Variants in WNT2B observed in about 807,000 individuals in gnomAD.
The protein encoded by WNT2B is Wnt family member 2B, also known as protein Wnt-2b.
Under a neutral mutation model 40.5 loss-of-function variants are expected in WNT2B, and 19 were observed. The observed-to-expected ratio is 0.47, with a 90% CI of 0.33 to 0.69. The LOEUF (loss-of-function observed/expected upper bound fraction) is 0.69, where lower values mean the gene tolerates loss of function less well. Ranked by LOEUF, WNT2B falls within the 30% of genes least tolerant of loss-of-function variation. The probability of loss-of-function intolerance (pLI) is 0.02; values close to 1 mark genes in which losing one functional copy is unlikely to be tolerated. For synonymous variants in WNT2B, 220 were observed against 211.9 expected (o/e 1.04, Z -0.33); for missense variants, 467 against 556.4 (o/e 0.84, Z 1.62).
upstream of WNT2B, chr1:112,508,731 C>T: frequency 1.0e-6 from 1 of 986,030 alleles, no homozygotes; most frequent in Non-Finnish European, 1.2e-6. The surrounding 1 kb of genome is among the most constrained non-coding windows in gnomAD (Gnocchi z 4.2). Flanking sequence ...AGGGACTGGG[C>T]GCTTGGGGCG....
intron 1 of WNT2B, among the ~76,000 whole-genome samples, chr1:112,472,346 AC>A (rs1650905646): frequency 6.6e-6 from 1 of 152,220 alleles, no homozygotes. Context: ...TGAGGAAACT[AC>A]CCAAGACCAA....
intron 1 of WNT2B, among the ~76,000 whole-genome samples, chr1:112,478,633 A>G (rs1358778611): frequency 2.6e-5 from 4 of 152,172 alleles, no homozygotes; most frequent in African/African-American, 4.8e-5. Flanking sequence ...TTAAAAATGA[A>G]GGAGAGGCTG....
chr1:112,487,823 T>C (rs1469019357), intron 1 of WNT2B, among the ~76,000 whole-genome samples: 1 of 149,830 alleles, frequency 6.7e-6, no homozygotes, highest in African/African-American at 2.5e-5. Flanking sequence ...AACCCAGCTA[T>C]GTCAGGAGGT....
rs1336250323 is a variant in WNT2B, at chr1:112,527,047, A to C, written c.*6538A>C. On this transcript the variant is annotated 3_prime_UTR_variant, in exon 5 of 5. Coordinates refer to ENST00000369684, the MANE Select transcript of WNT2B (RefSeq NM_024494.3). ...GCTCTCAACCCCTCTTTGTTTTCCCATCCAAAATCTGGACCTCTGTTTAGG... is the reference window on the plus strand; with the variant it reads ...GCTCTCAACCCCTCTTTGTTTTCCCCTCCAAAATCTGGACCTCTGTTTAGG... 2 of 152,210 alleles carry C rather than the reference A, an allele frequency of 1.3e-5. No individual in the cohort carries two copies. The highest frequency in any genetic ancestry group is 2.9e-5 in the Non-Finnish European group (2 of 68,050). The allele number at this position is 152,210 out of a possible 1,614,324, so 9.4% of individuals were successfully genotyped here. A position where few individuals can be genotyped will look rare whatever the true frequency, so the allele number is the denominator to read the frequency against.
chr1:112,496,223 T>A (rs2101069130), intron 1 of WNT2B, among the ~76,000 whole-genome samples: 1 of 152,292 alleles, frequency 6.6e-6, no homozygotes, highest in South Asian at 2.1e-4. Context: ...CAAGGAATCA[T>A]CCTGCTTTAG....
Position 112,520,858 on chromosome 1 carries a change from T to G in WNT2B, c.*349T>G, listed in dbSNP as rs1254643528. 7.3e-6 allele frequency: 2 copies of G among 273,244 alleles called. No individual in the cohort carries two copies. Among genetic ancestry groups the G allele is most frequent in the African/African-American group, 4.3e-5 (2 of 45,986 alleles). The allele number at this position is 273,244 out of a possible 1,614,324, so 16.9% of individuals were successfully genotyped here. ...GCACCAGCTTCCCGATACTTCTTGGTGTGCAAGAGGAAGGGTACCTGTAGA... is the reference window on the plus strand; with the variant it reads ...GCACCAGCTTCCCGATACTTCTTGGGGTGCAAGAGGAAGGGTACCTGTAGA... On this transcript the variant is annotated 3_prime_UTR_variant, in exon 5 of 5. Transcript: ENST00000369684.
chr1:112,496,700 A>T (rs1214802668), intron 1 of WNT2B, among the ~76,000 whole-genome samples: 1 of 151,806 alleles, frequency 6.6e-6, no homozygotes, highest in Non-Finnish European at 1.5e-5. Context: ...TCCCGGGTTC[A>T]AGTGATTCTC....
chr1:112,482,430 G>T (rs1239983729), intron 1 of WNT2B, among the ~76,000 whole-genome samples: 6 of 152,154 alleles, frequency 3.9e-5, no homozygotes, highest in Non-Finnish European at 5.9e-5. Flanking sequence ...TAAACTTCTG[G>T]ACTCAAGCAA....
rs1366809958 is a variant in WNT2B at position 112,520,696 on chromosome 1, G to C, written c.*187G>C. The C allele has an allele frequency of 1.6e-6, 1 of 634,682 alleles. No individual in the cohort carries two copies. Among genetic ancestry groups the C allele is most frequent in the African/African-American group, 1.8e-5 (1 of 54,458 alleles). The allele number at this position is 634,682 out of a possible 1,614,324, so 39.3% of individuals were successfully genotyped here. A position where few individuals can be genotyped will look rare whatever the true frequency, so the allele number is the denominator to read the frequency against. ...CCTTAGCCCTGGGAAGGAGTTGTCAGGGGATATAAGAAACTGAGCAAGCTC... is the reference window on the plus strand; with the variant it reads ...CCTTAGCCCTGGGAAGGAGTTGTCACGGGATATAAGAAACTGAGCAAGCTC... On this transcript the variant is annotated 3_prime_UTR_variant, in exon 5 of 5. Transcript: ENST00000369684.
At chr1:112,481,334 A>G (rs960610577) in intron 1 of WNT2B, among the ~76,000 whole-genome samples, 18 of 152,206 alleles carry the variant, frequency 1.2e-4, no homozygotes, top group African/African-American at 4.3e-4. Context: ...CAATAGATGC[A>G]GAAAAAACGT....
In WNT2B at chr1:112,509,457, C is replaced by T. The variant is rs2101082085; in HGVS notation, c.182+13C>T. ...ACACGTCCTGGTGGTAAGTGTGGCT[C>T]TCAGGCTGGGCGGGTGAGGCGCTTG... On this transcript the variant is annotated intron_variant, in intron 1 of 4. Transcript: ENST00000369684. The surrounding 1 kb of genome is among the most constrained non-coding windows in gnomAD (Gnocchi z 4.2). The T allele has an allele frequency of 1.3e-6, 2 of 1,566,258 alleles. No homozygotes were observed. Among genetic ancestry groups the T allele is most frequent in the Non-Finnish European group, 1.7e-6 (2 of 1,167,608 alleles).
intron 1 of WNT2B, chr1:112,490,963 A>G (rs1466823443): frequency 6.4e-7 from 1 of 1,557,406 alleles, no homozygotes; most frequent in Admixed American, 1.7e-5. Flanking sequence ...CTGAAAATCC[A>G]TAGCATTTAT....
intron 1 of WNT2B, among the ~76,000 whole-genome samples, chr1:112,471,366 CTTG>C (rs1192676493): frequency 2.0e-5 from 3 of 152,216 alleles, no homozygotes; most frequent in Non-Finnish European, 4.4e-5. Flanking sequence ...CACCGCCAAC[CTTG>C]GCTGAGTTGA....
At chr1:112,504,475 G>A (rs1013821083), upstream of WNT2B, among the ~76,000 whole-genome samples, 40 of 152,046 alleles carry the variant, frequency 2.6e-4, no homozygotes, top group African/African-American at 9.2e-4. Context: ...TTTGAGACAC[G>A]TTCCACGCCT....
rs577722555 is a variant in WNT2B, at chr1:112,522,377, C to T, written c.*1868C>T. On this transcript the variant is annotated 3_prime_UTR_variant, in exon 5 of 5. Coordinates refer to ENST00000369684, the MANE Select transcript of WNT2B (RefSeq NM_024494.3). ...TGCACCAAACTCCAGCCCGCAGATC[C>T]TCTTCACCAAAGCCCCTGGCTGGTC... 5.9e-5 allele frequency: 9 copies of T among 152,414 alleles called. No homozygotes were observed. The highest frequency in any genetic ancestry group is 2.2e-4 in the African/African-American group (9 of 41,588). 9.4% of individuals were successfully genotyped at this position (152,414 alleles called of 1,614,324 possible). A position where few individuals can be genotyped will look rare whatever the true frequency, so the allele number is the denominator to read the frequency against.
chr1:112,470,753 TG>T (rs1479932332), intron 1 of WNT2B, among the ~76,000 whole-genome samples: 1 of 149,540 alleles, frequency 6.7e-6, no homozygotes, highest in Non-Finnish European at 1.5e-5. Flanking sequence ...CTTGGGCTCC[TG>T]GTGGCAGCAA....
chr1:112,477,233 C>T (rs1651079660), intron 1 of WNT2B, among the ~76,000 whole-genome samples: 1 of 152,204 alleles, frequency 6.6e-6, no homozygotes, highest in South Asian at 2.1e-4. Flanking sequence ...TGAGGGCCTC[C>T]AGAGCCATTG....
Position 112,494,309 on chromosome 1 carries a change from C to CA in WNT2B, c.-94-20554dup, listed in dbSNP as rs60459479. ...TGGGCAACAGAGAGACGATCCGTTTCAAAAAAAAAAATTATATCTACCTTC... is the reference window on the plus strand; with the variant it reads ...TGGGCAACAGAGAGACGATCCGTTTCAAAAAAAAAAAATTATATCTACCTTC... On this transcript the variant is annotated intron_variant, in intron 1 of 4. Transcript: ENST00000256640. Among the ~76,000 whole-genome samples, 309 of 144,074 alleles carry CA rather than the reference C, an allele frequency of 2.1e-3. 15 individuals carry two copies. The highest frequency in any genetic ancestry group is 6.9e-3 in the African/African-American group (268 of 38,588). The allele number at this position is 144,074 out of a possible 152,430, so 94.5% of individuals were successfully genotyped here.
At chr1:112,511,368 G>C (rs1652342866) in intron 1 of WNT2B, among the ~76,000 whole-genome samples, 1 of 152,138 alleles carries the variant, frequency 6.6e-6, no homozygotes, top group Admixed American at 6.5e-5. Context: ...CTCCACACCT[G>C]TCATAGCTAC....
Sources: allele counts gnomAD v4.1 joint callset (sites outside exome capture counted in the v4.1 genomes callset), GRCh38; gene constraint gnomAD v4.1.1; non-coding constraint Gnocchi (gnomAD v3.1); transcripts MANE v1.5; gene names NCBI Gene and HGNC (gene_info 2026-07-23, HGNC 2026-07-21).